Variants in CIMIP6 observed in about 807,000 individuals in gnomAD.
The protein encoded by CIMIP6 is uncharacterized protein C2orf73.
At chr2:54,373,940 G>C in the CIMIP6 span, among the ~76,000 whole-genome samples, 1 of 152,206 alleles carries the variant, frequency 6.6e-6, no homozygotes, top group East Asian at 1.9e-4. Context: ...CTTAGACAGA[G>C]TCTATTCTTC....
the CIMIP6 span, among the ~76,000 whole-genome samples, chr2:54,340,653 A>G: frequency 1.3e-5 from 2 of 152,214 alleles, no homozygotes; most frequent in Non-Finnish European, 2.9e-5. Flanking sequence ...AGAGCCTTAA[A>G]GTCACCAGTC....
chr2:54,360,830 T>C, the CIMIP6 span: 1 of 283,292 alleles, frequency 3.5e-6, no homozygotes, highest in Non-Finnish European at 6.5e-6. Flanking sequence ...AATTAACAAA[T>C]ATAATACTTT....
chr2:54,359,197 A>T, the CIMIP6 span: 1 of 655,444 alleles, frequency 1.5e-6, no homozygotes, highest in Admixed American at 3.3e-5. Flanking sequence ...TATTAATAGG[A>T]TAGAATGTTA....
At chr2:54,360,501 T>C in the CIMIP6 span, 4 of 1,564,878 alleles carry the variant, frequency 2.6e-6, no homozygotes, top group Admixed American at 1.9e-5. Context: ...CAAACAACTG[T>C]AGGAGATGCT....
chr2:54,376,639 T>C, the CIMIP6 span, among the ~76,000 whole-genome samples: 2 of 152,196 alleles, frequency 1.3e-5, no homozygotes, highest in Non-Finnish European at 2.9e-5. Flanking sequence ...TAACGCACTA[T>C]ACACTCATTG....
the CIMIP6 span, among the ~76,000 whole-genome samples, chr2:54,367,367 T>A: frequency 0.014 from 2,139 of 152,188 alleles, 21 homozygotes; most frequent in Non-Finnish European, 0.023. Context: ...CAACCCTATG[T>A]CAGTTCCCCC....
At chr2:54,382,004 AT>A in the CIMIP6 span, 9 of 1,521,356 alleles carry the variant, frequency 5.9e-6, no homozygotes, top group Non-Finnish European at 7.9e-6. Context: ...TAGCAGTTTC[AT>A]TTTTATAATG....
chr2:54,381,254 TC>T, the CIMIP6 span, among the ~76,000 whole-genome samples: 2 of 152,152 alleles, frequency 1.3e-5, no homozygotes, highest in African/African-American at 4.8e-5. Context: ...ATTACCAACC[TC>T]TATGCCTTTG....
chr2:54,365,611 C>A, the CIMIP6 span, among the ~76,000 whole-genome samples: 1 of 152,170 alleles, frequency 6.6e-6, no homozygotes, highest in African/African-American at 2.4e-5. Context: ...TTGCCTTTGC[C>A]TTCTGCCATA....
chr2:54,357,652 C>G, the CIMIP6 span, among the ~76,000 whole-genome samples: 1 of 150,184 alleles, frequency 6.7e-6, no homozygotes, highest in Non-Finnish European at 1.5e-5. Context: ...TTTTGGCTCA[C>G]TGGAACCTCT....
the CIMIP6 span, among the ~76,000 whole-genome samples, chr2:54,373,432 T>TA: frequency 8.5e-5 from 13 of 152,052 alleles, no homozygotes; most frequent in African/African-American, 2.7e-4. Context: ...GCAGCACAAA[T>TA]AAATGCTCCT....
At chr2:54,363,184 G>A in the CIMIP6 span, among the ~76,000 whole-genome samples, 15 of 152,078 alleles carry the variant, frequency 9.9e-5, no homozygotes, top group Admixed American at 7.9e-4. Context: ...AATGCTTCAC[G>A]TCTCTTAATT....
the CIMIP6 span, among the ~76,000 whole-genome samples, chr2:54,381,557 C>A: frequency 6.6e-6 from 1 of 152,144 alleles, no homozygotes; most frequent in Non-Finnish European, 1.5e-5. Context: ...ATACAGCTAG[C>A]GAGGAACAAA....
chr2:54,365,710 C>T, the CIMIP6 span, among the ~76,000 whole-genome samples: 4 of 152,264 alleles, frequency 2.6e-5, no homozygotes, highest in African/African-American at 9.6e-5. Flanking sequence ...GCCAATTAAA[C>T]CTCATTTCTT....
the CIMIP6 span, among the ~76,000 whole-genome samples, chr2:54,344,470 C>G: frequency 0.76 from 115,482 of 152,144 alleles, 44,008 homozygotes; most frequent in Non-Finnish European, 0.8. Context: ...GGAGATGCAG[C>G]AAAGAAGAGA....
At chr2:54,332,254 A>G in the CIMIP6 span, among the ~76,000 whole-genome samples, 43,492 of 151,958 alleles carry the variant, frequency 0.29, 7,155 homozygotes, top group Non-Finnish European at 0.38. Context: ...CCTACCTCCT[A>G]CATACATACA....
chr2:54,349,392 C>T, the CIMIP6 span, among the ~76,000 whole-genome samples: 1 of 152,076 alleles, frequency 6.6e-6, no homozygotes, highest in East Asian at 1.9e-4. Context: ...AGTAAAACTC[C>T]TAAGTTCTCA....
the CIMIP6 span, among the ~76,000 whole-genome samples, chr2:54,371,641 A>C: frequency 6.6e-6 from 1 of 152,208 alleles, no homozygotes; most frequent in Non-Finnish European, 1.5e-5. Context: ...GCTTCTAGTA[A>C]ATTTCAGACA....
chr2:54,375,800 A>G, the CIMIP6 span, among the ~76,000 whole-genome samples: 2 of 152,184 alleles, frequency 1.3e-5, no homozygotes, highest in Admixed American at 1.3e-4. Context: ...TCCAAGATAC[A>G]TGTGAACTAA....
Sources: gnomAD v4.1 joint callset for allele counts (sites outside exome capture counted in the v4.1 genomes callset) on GRCh38, gnomAD v4.1.1 for gene constraint, MANE v1.5 for transcripts, NCBI Gene and HGNC (gene_info 2026-07-23, HGNC 2026-07-21) for gene names.